L3HYPDH: variants seen among roughly 807,000 people sequenced by gnomAD.
The protein encoded by L3HYPDH is trans-3-hydroxy-L-proline dehydratase.
Under a neutral mutation model 26.5 loss-of-function variants are expected in L3HYPDH, and 32 were observed. That is an observed-to-expected ratio of 1.21 (90% CI 0.91 to 1.62). The LOEUF (loss-of-function observed/expected upper bound fraction) is 1.62, where lower values mean the gene tolerates loss of function less well. Ranked by LOEUF, L3HYPDH falls within the 40% of genes most tolerant of loss-of-function variation. The pLI is 0.00. For missense variants in L3HYPDH, 554 were observed against 476.4 expected, an observed-to-expected ratio of 1.16 and a Z score of -1.52; for synonymous variants, 215 against 196.6, an observed-to-expected ratio of 1.09 and a Z score of -0.78.
chr14:59,481,220 G>T (rs1019191136), intron 1 of L3HYPDH, among the ~76,000 whole-genome samples: 1 of 152,140 alleles, frequency 6.6e-6, no homozygotes, highest in Non-Finnish European at 1.5e-5. Flanking sequence ...CCAATTATCT[G>T]TGACTATTTC....
At chr14:59,498,361 A>G in the L3HYPDH span, among the ~76,000 whole-genome samples, 2 of 152,176 alleles carry the variant, frequency 1.3e-5, no homozygotes, top group Admixed American at 6.5e-5. Flanking sequence ...ACATTTGAAT[A>G]TTTATTTTCT....
chr14:59,494,796 C>A, the L3HYPDH span, among the ~76,000 whole-genome samples: 27 of 152,148 alleles, frequency 1.8e-4, no homozygotes, highest in African/African-American at 6.5e-4. Context: ...TGGCAAGATA[C>A]TAAAGATGCA....
chr14:59,497,127 T>C, the L3HYPDH span, among the ~76,000 whole-genome samples: 4 of 151,910 alleles, frequency 2.6e-5, no homozygotes, highest in Admixed American at 2.6e-4. Flanking sequence ...TTCTTACAAA[T>C]TGAAAAATAC....
upstream of L3HYPDH, among the ~76,000 whole-genome samples, chr14:59,488,972 G>A (rs544329980): frequency 5.3e-5 from 8 of 152,372 alleles, no homozygotes; most frequent in South Asian, 1.7e-3. Flanking sequence ...AGGCCTCTGG[G>A]CCTGTGGTCG....
downstream of L3HYPDH, among the ~76,000 whole-genome samples, chr14:59,471,357 C>T (rs1350505000): frequency 1.1e-4 from 16 of 152,138 alleles, no homozygotes; most frequent in East Asian, 1.4e-3. Context: ...GACTTGGAGT[C>T]GGAACTCCTA....
At chr14:59,490,275 A>C in the L3HYPDH span, among the ~76,000 whole-genome samples, 1 of 152,026 alleles carries the variant, frequency 6.6e-6, no homozygotes, top group South Asian at 2.1e-4. Flanking sequence ...GTGAGAACTC[A>C]CTCATTACTG....
chr14:59,470,272 C>T (rs1889278829), downstream of L3HYPDH, among the ~76,000 whole-genome samples: 1 of 152,192 alleles, frequency 6.6e-6, no homozygotes, highest in Admixed American at 6.5e-5. Flanking sequence ...CAACCAGCAA[C>T]ATTAGCATCG....
intron 1 of L3HYPDH, among the ~76,000 whole-genome samples, chr14:59,465,678 G>A (rs757063605): frequency 4.6e-5 from 7 of 152,194 alleles, no homozygotes; most frequent in Non-Finnish European, 8.8e-5. Context: ...GGTGGGGGGG[G>A]CACTCTGCTT....
At chr14:59,483,604 G>T in intron 1 of L3HYPDH, 1 of 1,432,636 alleles carries the variant, frequency 7.0e-7, no homozygotes, top group Non-Finnish European at 9.1e-7. Flanking sequence ...AACCACAGGC[G>T]GATGGGAGTC....
downstream of L3HYPDH, among the ~76,000 whole-genome samples, chr14:59,470,571 CCTAA>C (rs111675822): frequency 0.046 from 7,042 of 152,152 alleles, 182 homozygotes; most frequent in Non-Finnish European, 0.058. Flanking sequence ...ACCTCATAAG[CCTAA>C]CTGAGTGGTT....
downstream of L3HYPDH, among the ~76,000 whole-genome samples, chr14:59,469,050 G>C (rs1430919971): frequency 1.3e-5 from 2 of 152,154 alleles, no homozygotes; most frequent in African/African-American, 4.8e-5. Flanking sequence ...AGAAGTCAGA[G>C]CAGTCCTGTG....
chr14:59,479,940 GTTT>G (rs1889896308), intron 1 of L3HYPDH, among the ~76,000 whole-genome samples: 1 of 152,176 alleles, frequency 6.6e-6, no homozygotes, highest in Non-Finnish European at 1.5e-5. Context: ...TTGCACCAGG[GTTT>G]TTATTTGAGC....
At chr14:59,498,950 G>A in the L3HYPDH span, 1 of 944,218 alleles carries the variant, frequency 1.1e-6, no homozygotes, top group South Asian at 2.1e-5. Context: ...ATTTATTATT[G>A]TATGTAGTAA....
At chr14:59,497,842 CAT>C in the L3HYPDH span, among the ~76,000 whole-genome samples, 1 of 152,138 alleles carries the variant, frequency 6.6e-6, no homozygotes, top group Non-Finnish European at 1.5e-5. Context: ...GGGGAGGAAG[CAT>C]GTGGTCCGTG....
upstream of L3HYPDH, chr14:59,487,400 C>G (rs1235241855): frequency 4.0e-6 from 1 of 249,846 alleles, no homozygotes; most frequent in Non-Finnish European, 7.6e-6. Flanking sequence ...TGCAGTTATT[C>G]TTATATAATG....
downstream of L3HYPDH, among the ~76,000 whole-genome samples, chr14:59,468,531 T>C (rs1397645898): frequency 6.6e-6 from 1 of 152,190 alleles, no homozygotes; most frequent in Non-Finnish European, 1.5e-5. Flanking sequence ...ACTGATACCG[T>C]CCTTTCCCCA....
the L3HYPDH span, chr14:59,498,691 T>C: frequency 1.5e-5 from 17 of 1,146,344 alleles, no homozygotes; most frequent in Non-Finnish European, 2.1e-5. Context: ...TTTTAAAACA[T>C]TTTTGATGTT....
chr14:59,486,090 A>G (rs1375003562), upstream of L3HYPDH: 1 of 152,232 alleles, frequency 6.6e-6, no homozygotes, highest in Non-Finnish European at 1.5e-5. Context: ...TCAGGGGCTT[A>G]ATTTTAATGC....
chr14:59,476,190 C>A lies in L3HYPDH; in HGVS notation c.703G>T (p.Glu235Ter). The A allele has an allele frequency of 6.2e-7, 1 of 1,605,266 alleles. No individual in the cohort carries two copies. Residue 235 changes from glutamate to a stop codon, truncating the protein, a stop_gained, in exon 3 of 5, where the codon GAA becomes TAA. Transcript: ENST00000247194. LOFTEE classifies it high-confidence loss of function. ...GTTCCATATAAAAAGGCAAGGTCTT[C>A]ACTATCAGGATGATTAATTTTAAAC... ...AQFKINHPDS[E>*]DLAFLYGTIL...
Sources: allele counts gnomAD v4.1 joint callset (sites outside exome capture counted in the v4.1 genomes callset), GRCh38; gene constraint gnomAD v4.1.1; transcripts MANE v1.5; gene names NCBI Gene and HGNC (gene_info 2026-07-23, HGNC 2026-07-21).